Variants in CSMD1 observed in about 807,000 individuals in gnomAD.
CSMD1 encodes CUB and sushi domain-containing protein 1.
A neutral mutation model predicts 417.5 loss-of-function variants in CSMD1; 213 were observed. The ratio of observed to expected loss-of-function variants is 0.51; its 90% CI spans 0.46 to 0.57. The LOEUF is 0.57. CSMD1 is among the 20% of genes least tolerant of loss of function. CSMD1 has a pLI of 0.00. For synonymous variants in CSMD1, 2,862 were observed against 1,736.8 expected (o/e 1.65, Z -16.11); for missense variants, 6,923 against 4,529.7 (o/e 1.53, Z -15.17).
At chr8:3,386,836 GT>G (rs1333932285) in intron 18 of CSMD1, among the ~76,000 whole-genome samples, 4 of 152,176 alleles carry the variant, frequency 2.6e-5, no homozygotes, top group African/African-American at 7.2e-5. Flanking sequence ...AATACCCCAA[GT>G]TTTTTTGGCA....
intron 3 of CSMD1, among the ~76,000 whole-genome samples, chr8:4,115,670 T>C (rs1802096168): frequency 6.6e-6 from 1 of 152,132 alleles, no homozygotes; most frequent in Non-Finnish European, 1.5e-5. Flanking sequence ...ATTGCTAAAA[T>C]TTGGAAGCGA....
At chr8:3,699,625 TGTTACTACC>T (rs370738303) in intron 7 of CSMD1, among the ~76,000 whole-genome samples, 160 of 152,306 alleles carry the variant, frequency 1.1e-3, no homozygotes, top group Middle Eastern at 3.4e-3. Context: ...CATCAGTAAA[TGTTACTACC>T]GTTATGACAG....
At chr8:3,501,587 G>C (rs968326369) in intron 10 of CSMD1, among the ~76,000 whole-genome samples, 1 of 152,116 alleles carries the variant, frequency 6.6e-6, no homozygotes, top group African/African-American at 2.4e-5. Flanking sequence ...TGACAACTCA[G>C]AACACACTGG....
At chr8:3,771,366 C>T (rs1478947157) in intron 5 of CSMD1, among the ~76,000 whole-genome samples, 2 of 152,144 alleles carry the variant, frequency 1.3e-5, no homozygotes, top group Non-Finnish European at 2.9e-5. Context: ...GACGGCATTG[C>T]TTCACACTCT....
intron 3 of CSMD1, among the ~76,000 whole-genome samples, chr8:4,183,579 T>C (rs937588264): frequency 1.3e-5 from 2 of 152,230 alleles, no homozygotes; most frequent in Admixed American, 1.3e-4. Context: ...AATTTGAACT[T>C]AAGTAAAAAT....
At chr8:4,058,284 C>G (rs1798800934) in intron 3 of CSMD1, among the ~76,000 whole-genome samples, 2 of 152,036 alleles carry the variant, frequency 1.3e-5, no homozygotes, top group Non-Finnish European at 2.9e-5. Flanking sequence ...GTATTTTATT[C>G]TCTTTGAAGC....
intron 12 of CSMD1, among the ~76,000 whole-genome samples, chr8:3,411,563 G>T (rs909188165): frequency 2.6e-5 from 4 of 151,078 alleles, no homozygotes; most frequent in Non-Finnish European, 4.4e-5. Context: ...GCATTCCTGG[G>T]TTACTTCACT....
At chr8:4,250,500 T>C (rs747379949) in intron 3 of CSMD1, among the ~76,000 whole-genome samples, 5 of 152,184 alleles carry the variant, frequency 3.3e-5, no homozygotes, top group Non-Finnish European at 5.9e-5. Context: ...GTGTAATGAC[T>C]CTTGGTGGAA....
rs1799676903 is a variant in CSMD1, at chr8:4,824,102, AC to A, written c.85+170229del. Among the ~76,000 whole-genome samples, 10 of 151,776 alleles carry A rather than the reference AC, an allele frequency of 6.6e-5. No individual in the cohort carries two copies. In the South Asian group the frequency reaches 1.9e-3, roughly 28 times the overall value. On this transcript the variant is annotated intron_variant, in intron 1 of 69. Coordinates refer to ENST00000635120, the MANE Select transcript of CSMD1 (RefSeq NM_033225.6). Reference sequence around the variant, plus strand: ...AATATCCACACACACACACACACACACACACACACTCTCCCTCTCACACGTA... The same window carrying A: ...AATATCCACACACACACACACACACAACACACACTCTCCCTCTCACACGTA...
At chr8:4,445,867 G>A (rs145947787) in intron 2 of CSMD1, among the ~76,000 whole-genome samples, 12 of 152,302 alleles carry the variant, frequency 7.9e-5, no homozygotes, top group Admixed American at 4.6e-4. Context: ...GTGTTCTCCC[G>A]CTGGAGAAGG....
chr8:3,167,420 T>C (rs1306746060), intron 37 of CSMD1, among the ~76,000 whole-genome samples: 1 of 152,166 alleles, frequency 6.6e-6, no homozygotes, highest in Non-Finnish European at 1.5e-5. Flanking sequence ...TGATTAAATG[T>C]GAAGACAACA....
At chr8:4,347,992 A>AT (rs1479614219) in intron 3 of CSMD1, among the ~76,000 whole-genome samples, 1 of 152,192 alleles carries the variant, frequency 6.6e-6, no homozygotes, top group Admixed American at 6.5e-5. Context: ...ACTGGCAAAC[A>AT]TGCGTCACTT....
rs1435146725 is a variant in CSMD1, at chr8:3,665,577, C to A, written c.1009+42837G>T. Among the ~76,000 whole-genome samples the A allele has an allele frequency of 3.3e-5, 5 of 152,258 alleles. No individual in the cohort carries two copies. The East Asian group carries it at 7.7e-4, about 24-fold the overall frequency. On this transcript the variant is annotated intron_variant, in intron 7 of 69. Transcript: ENST00000635120. The stretch of plus-strand genomic sequence containing the variant: ...AAATAATTAGTATCTTGATTCCTTA[C>A]TATCCCACTTAATATTAACCAAGTA...
intron 11 of CSMD1, among the ~76,000 whole-genome samples, chr8:3,476,492 C>G (rs1337798840): frequency 6.6e-6 from 1 of 152,120 alleles, no homozygotes; most frequent in Admixed American, 6.5e-5. Flanking sequence ...TGTATATTTA[C>G]TATCATATGA....
intron 1 of CSMD1, among the ~76,000 whole-genome samples, chr8:4,770,908 A>C (rs1240564973): frequency 1.3e-5 from 2 of 152,164 alleles, no homozygotes; most frequent in African/African-American, 4.8e-5. Flanking sequence ...ATGATTTCCC[A>C]TATATCACAC....
intron 1 of CSMD1, among the ~76,000 whole-genome samples, chr8:4,818,421 A>C (rs1050801326): frequency 1.3e-5 from 2 of 152,194 alleles, no homozygotes; most frequent in Non-Finnish European, 1.5e-5. Context: ...TTCTTTTCTT[A>C]ACATTCTGAT....
At chr8:3,091,757 G>C in intron 47 of CSMD1, 95 bp from the exon 48 acceptor site, 1 of 1,032,666 alleles carries the variant, frequency 9.7e-7, no homozygotes, top group African/African-American at 1.6e-5. Flanking sequence ...GAGTCTACGT[G>C]TGCAATACAC....
intron 1 of CSMD1, among the ~76,000 whole-genome samples, chr8:4,866,847 A>C (rs959546695): frequency 1.3e-5 from 2 of 152,044 alleles, no homozygotes; most frequent in Non-Finnish European, 2.9e-5. Flanking sequence ...AAAAATTATA[A>C]CTTTACCATT....
intron 41 of CSMD1, among the ~76,000 whole-genome samples, chr8:3,140,830 T>A (rs1818394469): frequency 6.6e-6 from 1 of 152,218 alleles, no homozygotes; most frequent in South Asian, 2.1e-4. Context: ...AATTAAAATG[T>A]TGAACTTTTT....
Sources: allele counts gnomAD v4.1 joint callset (sites outside exome capture counted in the v4.1 genomes callset), GRCh38; gene constraint gnomAD v4.1.1; transcripts MANE v1.5; gene names NCBI Gene and HGNC (gene_info 2026-07-23, HGNC 2026-07-21).